The following DTL variants were observed in gnomAD, a reference collection of about 807,000 sequenced individuals.
DTL encodes denticleless protein homolog.
DTL carries 46 observed loss-of-function variants against 87.0 expected under a neutral mutation model. The ratio of observed to expected loss-of-function variants is 0.53; its 90% CI spans 0.42 to 0.68. The LOEUF is 0.68. Among genes scored for constraint, DTL ranks in the 30% least tolerant of loss-of-function variants. DTL has a pLI of 0.00. For synonymous variants in DTL, 308 were observed against 311.2 expected (o/e 0.99, Z 0.11); for missense variants, 737 against 869.4 (o/e 0.85, Z 1.91).
chr1:212,053,279 T>A (rs1487094828), intron 5 of DTL, among the ~76,000 whole-genome samples: 1 of 152,160 alleles, frequency 6.6e-6, no homozygotes, highest in Non-Finnish European at 1.5e-5. Flanking sequence ...TTTCTTATGT[T>A]TTTTTTAAGA....
intron 10 of DTL, among the ~76,000 whole-genome samples, chr1:212,070,667 T>A (rs1033196401): frequency 2.6e-5 from 4 of 152,006 alleles, no homozygotes; most frequent in Admixed American, 6.6e-5. Context: ...GTCTTGTAAT[T>A]ACTTGTCCTT....
Position 212,080,614 on chromosome 1 carries a change from G to C in DTL, c.1126-1G>C. The C allele has an allele frequency of 1.2e-6, 2 of 1,609,854 alleles. No individual in the cohort carries two copies. Among genetic ancestry groups the C allele is most frequent in the Non-Finnish European group, 1.7e-6 (2 of 1,178,398 alleles). On this transcript the variant is annotated splice_acceptor_variant, in intron 12 of 14. Coordinates refer to ENST00000366991, the MANE Select transcript of DTL (RefSeq NM_016448.4). LOFTEE classifies it high-confidence loss of function. The stretch of plus-strand genomic sequence containing the variant: ...ATTCCCTTCTTGGTACTCCCTCTTA[G>C]ATTGCTACCTGTTCTGATGACAATA...
chr1:212,041,969 A>G lies in DTL; in HGVS notation c.53-1024A>G, dbSNP rs1200064400. Among the ~76,000 whole-genome samples the G allele has an allele frequency of 2.0e-5, 3 of 152,112 alleles. No individual in the cohort carries two copies. The East Asian group carries it at 5.8e-4, about 29-fold the overall frequency. ...TATGTCTATGAACATCCAAATGTAG[A>G]TTTGTCTGAGGTTATGTCAGGCTAA... On this transcript the variant is annotated intron_variant, in intron 1 of 14. Coordinates refer to ENST00000366991, the MANE Select transcript of DTL (RefSeq NM_016448.4).
chr1:212,080,144 C>T (rs1471909355), intron 12 of DTL, among the ~76,000 whole-genome samples: 1 of 152,172 alleles, frequency 6.6e-6, no homozygotes, highest in African/African-American at 2.4e-5. Flanking sequence ...CTTGTCACAG[C>T]CTACTAGAGT....
Position 212,065,030 on chromosome 1 carries a change from G to T in DTL, c.639+1G>T. The stretch of plus-strand genomic sequence containing the variant: ...TTCAAAAGGACTTGCTCCTTCTGTG[G>T]TAAGGTTTTACAGATGTATACATGT... On this transcript the variant is annotated splice_donor_variant, in intron 7 of 14. Transcript: ENST00000366991. LOFTEE classifies it high-confidence loss of function. The T allele has an allele frequency of 6.2e-7, 1 of 1,606,394 alleles. No homozygotes were observed. The highest frequency in any genetic ancestry group is 8.5e-7 in the Non-Finnish European group (1 of 1,173,066).
chr1:212,081,215 G>A (rs529887427), intron 13 of DTL, among the ~76,000 whole-genome samples: 1 of 152,170 alleles, frequency 6.6e-6, no homozygotes, highest in Non-Finnish European at 1.5e-5. Flanking sequence ...GACCAGGGGG[G>A]CCTCAATGAA....
intron 13 of DTL, among the ~76,000 whole-genome samples, chr1:212,088,948 T>C (rs1248830306): frequency 2.6e-5 from 4 of 152,114 alleles, no homozygotes; most frequent in Non-Finnish European, 1.5e-5. Flanking sequence ...TAGCTAGGCA[T>C]GGTGGCACAC....
intron 2 of DTL, among the ~76,000 whole-genome samples, chr1:212,043,905 A>G (rs1487930915): frequency 6.6e-6 from 1 of 152,022 alleles, no homozygotes; most frequent in African/African-American, 2.4e-5. Flanking sequence ...AAGTTGTGAC[A>G]AGGAAATTTA....
chr1:212,036,039 C>G, intron 1 of DTL, 97 bp downstream of exon 1: 1 of 1,229,702 alleles, frequency 8.1e-7, no homozygotes, highest in Non-Finnish European at 1.2e-6. Flanking sequence ...ATTCTGAACT[C>G]AGCTTCTGAG....
chr1:212,056,750 AAAATAATTGAGG>A (rs1668189334), intron 5 of DTL, among the ~76,000 whole-genome samples: 2 of 152,154 alleles, frequency 1.3e-5, no homozygotes, highest in African/African-American at 4.8e-5. Flanking sequence ...AAGAAACAGA[AAAATAATTGAGG>A]AAATGAATGA....
intron 6 of DTL, among the ~76,000 whole-genome samples, chr1:212,063,298 T>TA (rs200717449): frequency 0.011 from 1,494 of 139,920 alleles, 33 homozygotes; most frequent in African/African-American, 0.037. Context: ...TTATTATTAT[T>TA]TTTTTTTTTT....
chr1:212,090,297 A>G (rs903080322), intron 13 of DTL, among the ~76,000 whole-genome samples: 2 of 152,238 alleles, frequency 1.3e-5, no homozygotes, highest in Middle Eastern at 3.2e-3. Flanking sequence ...TGAAAAACAC[A>G]GGGTAAAAAA....
intron 11 of DTL, among the ~76,000 whole-genome samples, chr1:212,076,524 C>T (rs1449414831): frequency 6.9e-6 from 1 of 144,650 alleles, no homozygotes; most frequent in African/African-American, 2.6e-5. Flanking sequence ...TATTATAATA[C>T]AGAAACTGAG....
At chr1:212,070,511 G>A (rs774488626) in intron 10 of DTL, among the ~76,000 whole-genome samples, 1 of 152,058 alleles carries the variant, frequency 6.6e-6, no homozygotes, top group Non-Finnish European at 1.5e-5. Context: ...TTGGAAGGCT[G>A]AGGTAGGAGG....
In DTL at chr1:212,066,979, C is replaced by G. The variant is rs562829893; in HGVS notation, c.713+94C>G. 171 of 1,060,520 alleles carry G rather than the reference C, an allele frequency of 1.6e-4. 1 individual carries two copies. In the African/African-American group the frequency reaches 1.8e-3, roughly 11 times the overall value. 65.7% of individuals were successfully genotyped at this position (1,060,520 alleles called of 1,614,324 possible). ...GTCTCATTATAATTGAATGTGTGTG[C>G]TTTCAACTGTCAACATAGCAAGTAC... On this transcript the variant is annotated intron_variant, in intron 8 of 14. Coordinates refer to ENST00000366991, the MANE Select transcript of DTL (RefSeq NM_016448.4).
intron 10 of DTL, 63 bp from the exon 11 acceptor site, chr1:212,072,038 C>A: frequency 1.8e-6 from 2 of 1,121,344 alleles, no homozygotes; most frequent in Non-Finnish European, 2.7e-6. Flanking sequence ...TATATGCTGT[C>A]TATATCCATT....
chr1:212,065,520 A>G (rs1300311432), intron 7 of DTL, among the ~76,000 whole-genome samples: 4 of 152,000 alleles, frequency 2.6e-5, no homozygotes, highest in Non-Finnish European at 2.9e-5. Context: ...AATTCACCTT[A>G]CTCATCCCTA....
At chr1:212,039,094 A>G (rs1198522271) in intron 1 of DTL, among the ~76,000 whole-genome samples, 1 of 152,178 alleles carries the variant, frequency 6.6e-6, no homozygotes, top group Non-Finnish European at 1.5e-5. Flanking sequence ...TCACTCTGTC[A>G]TACCCTTCTG....
chr1:212,088,894 C>T (rs1655203187), intron 13 of DTL, among the ~76,000 whole-genome samples: 1 of 152,158 alleles, frequency 6.6e-6, no homozygotes, highest in African/African-American at 2.4e-5. Flanking sequence ...CGGGACTAGT[C>T]TTGCCAACAT....
Sources: gnomAD v4.1 joint callset for allele counts (sites outside exome capture counted in the v4.1 genomes callset) on GRCh38, gnomAD v4.1.1 for gene constraint, MANE v1.5 for transcripts, NCBI Gene and HGNC (gene_info 2026-07-23, HGNC 2026-07-21) for gene names.